Variants in ST6GALNAC3 observed in about 807,000 individuals in gnomAD.
ST6GALNAC3 encodes ST6 N-acetylgalactosaminide alpha-2,6-sialyltransferase 3, also known as alpha-N-acetylgalactosaminide alpha-2,6-sialyltransferase 3.
In ST6GALNAC3, 25 loss-of-function variants were observed where a neutral mutation model predicts 32.7. The observed-to-expected ratio is 0.76, with a 90% confidence interval of 0.56 to 1.07. ST6GALNAC3 has a LOEUF of 1.07. ST6GALNAC3 is among the 50% of genes least tolerant of loss of function. The pLI is 0.00. For missense variants in ST6GALNAC3, 355 were observed against 382.4 expected, an observed-to-expected ratio of 0.93 and a Z score of 0.60; for synonymous variants, 129 against 133.1, an observed-to-expected ratio of 0.97 and a Z score of 0.21.
intron 1 of ST6GALNAC3, among the ~76,000 whole-genome samples, chr1:76,146,633 T>C (rs1650700863): frequency 6.6e-6 from 1 of 152,202 alleles, no homozygotes; most frequent in South Asian, 2.1e-4. Flanking sequence ...TTTTTCTTTT[T>C]CCCTCTTGTT....
intron 2 of ST6GALNAC3, among the ~76,000 whole-genome samples, chr1:76,345,788 A>G (rs113525293): frequency 2.0e-4 from 31 of 152,076 alleles, no homozygotes; most frequent in African/African-American, 7.0e-4. Flanking sequence ...CTCAGACAGT[A>G]TGCCCCTCCC....
chr1:76,342,843 A>C (rs768837091), intron 2 of ST6GALNAC3, among the ~76,000 whole-genome samples: 1 of 151,444 alleles, frequency 6.6e-6, no homozygotes, highest in Non-Finnish European at 1.5e-5. Context: ...AGCTTTTTTC[A>C]TATATTTGTT....
intron 3 of ST6GALNAC3, among the ~76,000 whole-genome samples, chr1:76,454,034 C>T (rs929578650): frequency 6.6e-6 from 1 of 151,984 alleles, no homozygotes; most frequent in Non-Finnish European, 1.5e-5. Context: ...TATATGATGC[C>T]TCTCTGTGTA....
At chr1:76,508,430 C>T (rs930651345) in intron 3 of ST6GALNAC3, among the ~76,000 whole-genome samples, 5 of 152,116 alleles carry the variant, frequency 3.3e-5, no homozygotes, top group African/African-American at 1.2e-4. Context: ...TGGCCCACTA[C>T]TATAGTTATA....
At chr1:76,241,794 T>C (rs1400814200) in intron 1 of ST6GALNAC3, among the ~76,000 whole-genome samples, 2 of 152,222 alleles carry the variant, frequency 1.3e-5, no homozygotes, top group African/African-American at 4.8e-5. Flanking sequence ...AGTGGGTTAA[T>C]AAAATACGTT....
Position 76,281,735 on chromosome 1 carries a change from A to G in ST6GALNAC3, c.19-32070A>G, listed in dbSNP as rs1399501601. Among the ~76,000 whole-genome samples, 8 of 152,338 alleles carry G rather than the reference A, an allele frequency of 5.3e-5. No individual in the cohort carries two copies. In the East Asian group the frequency reaches 1.3e-3, roughly 26 times the overall value. On this transcript the variant is annotated intron_variant, in intron 1 of 4. Transcript: ENST00000328299. ...GTGTTTGGTCCTTGGGAAGGTCTCA[A>G]AGTTCACTTTGCTACTCGATTATGC...
At chr1:76,508,842 G>C (rs17099099) in intron 3 of ST6GALNAC3, among the ~76,000 whole-genome samples, 3,744 of 152,212 alleles carry the variant, frequency 0.025, 134 homozygotes, top group African/African-American at 0.058. Flanking sequence ...TGATTTCTGA[G>C]AAACTGGGCA....
chr1:76,588,673 A>G (rs1365363804), intron 3 of ST6GALNAC3, among the ~76,000 whole-genome samples: 1 of 152,188 alleles, frequency 6.6e-6, no homozygotes, highest in Non-Finnish European at 1.5e-5. Context: ...TACTAGCAGA[A>G]AACTGTAGGA....
intron 1 of ST6GALNAC3, among the ~76,000 whole-genome samples, chr1:76,192,918 T>G (rs561534584): frequency 6.6e-6 from 1 of 152,190 alleles, no homozygotes; most frequent in Admixed American, 6.5e-5. Flanking sequence ...TTATTAATCC[T>G]TTTATCTTCT....
intron 2 of ST6GALNAC3, among the ~76,000 whole-genome samples, chr1:76,385,737 A>T (rs1359467): frequency 0.29 from 43,769 of 151,786 alleles, 7,612 homozygotes; most frequent in East Asian, 0.6. Context: ...AGAAGGGAAG[A>T]TATTTTGGAA....
chr1:76,563,107 T>C (rs2100440664), intron 3 of ST6GALNAC3, among the ~76,000 whole-genome samples: 1 of 152,318 alleles, frequency 6.6e-6, no homozygotes, highest in Non-Finnish European at 1.5e-5. Flanking sequence ...AATTTTTCAC[T>C]TAAGATTCCC....
chr1:76,083,514 G>A (rs752447310), intron 1 of ST6GALNAC3, among the ~76,000 whole-genome samples: 1 of 152,230 alleles, frequency 6.6e-6, no homozygotes, highest in African/African-American at 2.4e-5. Flanking sequence ...GAGCTAGACC[G>A]ACTCTGAGTC....
chr1:76,544,980 C>T (rs1466662466), intron 3 of ST6GALNAC3, among the ~76,000 whole-genome samples: 1 of 152,192 alleles, frequency 6.6e-6, no homozygotes, highest in Non-Finnish European at 1.5e-5. Flanking sequence ...GAAATCCTCT[C>T]TCCATTGTCC....
chr1:76,341,682 C>CTTTCTTTCTTTCT (rs1411767732), intron 2 of ST6GALNAC3, among the ~76,000 whole-genome samples: 7 of 36,046 alleles, frequency 1.9e-4, no homozygotes, highest in East Asian at 1.0e-3. Context: ...TCTTTCTTTC[C>CTTTCTTTCTTTCT]TTCTTTCTTT....
chr1:76,453,956 G>C (rs768353876), intron 3 of ST6GALNAC3, among the ~76,000 whole-genome samples: 1 of 152,024 alleles, frequency 6.6e-6, no homozygotes, highest in African/African-American at 2.4e-5. Context: ...AAATTTAGGA[G>C]CTCCAGTGTC....
At chr1:76,534,403 C>T (rs2101830143) in intron 3 of ST6GALNAC3, among the ~76,000 whole-genome samples, 1 of 152,298 alleles carries the variant, frequency 6.6e-6, no homozygotes, top group East Asian at 1.9e-4. Flanking sequence ...CAACCACCAC[C>T]TTTAACTCTT....
chr1:76,482,847 T>G (rs1193127974), intron 3 of ST6GALNAC3, among the ~76,000 whole-genome samples: 3 of 151,342 alleles, frequency 2.0e-5, no homozygotes, highest in South Asian at 2.1e-4. Flanking sequence ...TTTACATTAG[T>G]TATATCTCCT....
At chr1:76,197,724 G>A (rs1654285133) in intron 1 of ST6GALNAC3, among the ~76,000 whole-genome samples, 1 of 152,158 alleles carries the variant, frequency 6.6e-6, no homozygotes, top group African/African-American at 2.4e-5. Flanking sequence ...GAAATGACAA[G>A]AGGGTAGAAA....
At chr1:76,530,314 A>G (rs1663175380) in intron 3 of ST6GALNAC3, among the ~76,000 whole-genome samples, 1 of 152,220 alleles carries the variant, frequency 6.6e-6, no homozygotes, top group African/African-American at 2.4e-5. Flanking sequence ...TAAGGCAAAC[A>G]TGTAAACCAG....
Sources: gnomAD v4.1 joint callset for allele counts (sites outside exome capture counted in the v4.1 genomes callset) on GRCh38, gnomAD v4.1.1 for gene constraint, MANE v1.5 for transcripts, NCBI Gene and HGNC (gene_info 2026-07-23, HGNC 2026-07-21) for gene names.